Variants in ARHGAP8 observed in about 807,000 individuals in gnomAD.
ARHGAP8 encodes rho GTPase-activating protein 8.
In ARHGAP8, 62 loss-of-function variants were observed where a neutral mutation model predicts 46.1. That is an observed-to-expected ratio of 1.34 (90% CI 1.10 to 1.66). ARHGAP8 has a LOEUF of 1.66. Ranked by LOEUF, ARHGAP8 falls within the 40% of genes most tolerant of loss-of-function variation. ARHGAP8 has a pLI of 0.00. For missense variants in ARHGAP8, 923 were observed against 568.4 expected, an observed-to-expected ratio of 1.62 and a Z score of -6.34; for synonymous variants, 375 against 243.1, an observed-to-expected ratio of 1.54 and a Z score of -5.05.
In ARHGAP8 at chr22:44,859,529, C is replaced by G. The variant is rs571181473; in HGVS notation, c.878-202C>G. 187 of 596,280 alleles carry G rather than the reference C, an allele frequency of 3.1e-4. 1 individual carries two copies. In the African/African-American group the frequency reaches 3.2e-3, roughly 10 times the overall value. 36.9% of individuals were successfully genotyped at this position (596,280 alleles called of 1,614,324 possible). ...TAAACCTCTTTTCTTATAAATAACC[C>G]CATCTCAGCAAGAATAGCCAAACAC... On this transcript the variant is annotated intron_variant, in intron 10 of 11. Coordinates refer to ENST00000356099, the MANE Select transcript of ARHGAP8 (RefSeq NM_181335.3).
intron 11 of ARHGAP8, among the ~76,000 whole-genome samples, chr22:44,861,926 G>A (rs1183480594): frequency 1.3e-5 from 2 of 152,134 alleles, no homozygotes; most frequent in African/African-American, 4.8e-5. Flanking sequence ...ACAGAGCCGA[G>A]GCCAGAGAGG....
chr22:44,845,890 G>A (rs572971396), intron 8 of ARHGAP8, among the ~76,000 whole-genome samples: 37 of 152,262 alleles, frequency 2.4e-4, no homozygotes, highest in Admixed American at 1.6e-3. Flanking sequence ...AGGTTCCCAC[G>A]GAGGAGCAGG....
At chr22:44,849,214 G>A (rs1223609298) in intron 10 of ARHGAP8, 154 bp downstream of exon 10, 2 of 1,418,942 alleles carry the variant, frequency 1.4e-6, no homozygotes, top group African/African-American at 1.4e-5. Flanking sequence ...AGAGGGGGTT[G>A]TTGGGGCTGC....
chr22:44,813,435 TACATACACACATACCCACCTACA>T (rs1929494450), intron 4 of ARHGAP8, among the ~76,000 whole-genome samples: 1 of 135,876 alleles, frequency 7.4e-6, no homozygotes, highest in Non-Finnish European at 1.5e-5. Context: ...CACTTACACC[TACATACACACATACCCACCTACA>T]GTACATACAC....
At position 44,862,390 on chromosome 22, in the gene ARHGAP8, T is replaced by TG. The variant is rs757427381; in HGVS notation, c.1098dup (p.Asn367GlufsTer5). On this transcript the variant is annotated frameshift_variant, in exon 12 of 12. Transcript: ENST00000356099. LOFTEE classifies it low-confidence loss of function (END_TRUNC). ...TCCTCCCTGAGTGCCCTTGTGCCCC[T>TG]GAACATGTTCACTGAACTGCTGATC... 1.2e-6 allele frequency: 2 copies of TG among 1,614,024 alleles called. No individual in the cohort carries two copies. Among genetic ancestry groups the TG allele is most frequent in the African/African-American group, 2.7e-5 (2 of 74,906 alleles).
chr22:44,823,182 T>C (rs1158852783), intron 6 of ARHGAP8, among the ~76,000 whole-genome samples: 1 of 152,090 alleles, frequency 6.6e-6, no homozygotes, highest in African/African-American at 2.4e-5. Flanking sequence ...TGCTGGGATA[T>C]AGAGGTGTTT....
At chr22:44,797,235 T>TTTA (rs1555912313) in intron 2 of ARHGAP8, among the ~76,000 whole-genome samples, 1 of 150,898 alleles carries the variant, frequency 6.6e-6, no homozygotes, top group Non-Finnish European at 1.5e-5. Context: ...TTTTTTTTTT[T>TTTA]AATCCTGATG....
At chr22:44,845,416 TC>T in intron 8 of ARHGAP8, 74 bp downstream of exon 8, 1 of 1,599,540 alleles carries the variant, frequency 6.3e-7, no homozygotes, top group Non-Finnish European at 8.5e-7. Context: ...TTGTCTTGGA[TC>T]CTGAGCACCC....
chr22:44,860,553 C>CTTAAT (rs1555924049), intron 11 of ARHGAP8, among the ~76,000 whole-genome samples: 15 of 150,794 alleles, frequency 9.9e-5, no homozygotes, highest in Non-Finnish European at 1.3e-4. Context: ...AGATCCTCAA[C>CTTAAT]GACAGCTGCA....
chr22:44,808,693 A>G (rs774934105), intron 4 of ARHGAP8: 2 of 656,800 alleles, frequency 3.0e-6, no homozygotes, highest in Admixed American at 2.2e-5. Flanking sequence ...CCCAGCCACC[A>G]TGGCTCACAC....
chr22:44,787,940 TCCC>T (rs34697504), intron 2 of ARHGAP8, among the ~76,000 whole-genome samples: 23,558 of 117,436 alleles, frequency 0.2, 2,950 homozygotes, highest in East Asian at 0.42. Flanking sequence ...TTTTTTTTTT[TCCC>T]CCCAAATGTC....
At chr22:44,814,618 G>T (rs990031345) in intron 4 of ARHGAP8, 54 bp from the exon 5 acceptor site, 14 of 1,521,694 alleles carry the variant, frequency 9.2e-6, no homozygotes, top group Non-Finnish European at 1.2e-5. Flanking sequence ...TATTGGGCGT[G>T]GGGTGTTTCT....
At chr22:44,854,382 G>A (rs974344922) in intron 10 of ARHGAP8, among the ~76,000 whole-genome samples, 4 of 150,616 alleles carry the variant, frequency 2.7e-5, no homozygotes, top group African/African-American at 9.8e-5. Context: ...GATTACAGGT[G>A]TGCGCCGCCA....
At chr22:44,858,345 G>C (rs902307574) in intron 10 of ARHGAP8, among the ~76,000 whole-genome samples, 1 of 149,126 alleles carries the variant, frequency 6.7e-6, no homozygotes, top group Non-Finnish European at 1.5e-5. Flanking sequence ...CGGGAACTTG[G>C]TGAATACTTG....
intron 1 of ARHGAP8, chr22:44,777,136 C>G (rs1010871764): frequency 2.0e-5 from 3 of 152,120 alleles, no homozygotes; most frequent in Admixed American, 1.3e-4. Context: ...ATTCCACTCC[C>G]GTAACACTCT....
At chr22:44,782,507 C>A (rs1056655059) in intron 1 of ARHGAP8, among the ~76,000 whole-genome samples, 1 of 152,094 alleles carries the variant, frequency 6.6e-6, no homozygotes, top group African/African-American at 2.4e-5. Flanking sequence ...TGCCCTCCCT[C>A]CCTCCATTCC....
intron 7 of ARHGAP8, among the ~76,000 whole-genome samples, chr22:44,828,877 G>A (rs902910004): frequency 6.6e-6 from 1 of 152,086 alleles, no homozygotes; most frequent in Non-Finnish European, 1.5e-5. Context: ...AGGGTCCCAG[G>A]GGTGGGTCTT....
chr22:44,755,353 G>A (rs1221673995), intron 1 of ARHGAP8, among the ~76,000 whole-genome samples: 3 of 152,248 alleles, frequency 2.0e-5, no homozygotes, highest in Non-Finnish European at 2.9e-5. Context: ...GAGCCTGCCG[G>A]TGACTACCCT....
chr22:44,812,906 C>T (rs551603167), intron 4 of ARHGAP8, among the ~76,000 whole-genome samples: 71 of 152,200 alleles, frequency 4.7e-4, no homozygotes, highest in African/African-American at 1.7e-3. Context: ...CATTGAGTTA[C>T]AATCCATTAC....
Sources: gnomAD v4.1 joint callset for allele counts (sites outside exome capture counted in the v4.1 genomes callset) on GRCh38, gnomAD v4.1.1 for gene constraint, MANE v1.5 for transcripts, NCBI Gene and HGNC (gene_info 2026-07-23, HGNC 2026-07-21) for gene names.